The following MAU2 variants were observed in gnomAD, a reference collection of about 807,000 sequenced individuals.
MAU2 encodes MAU2 chromatid cohesion factor homolog.
A neutral mutation model predicts 89.1 loss-of-function variants in MAU2; 9 were observed. That is an observed-to-expected ratio of 0.10 (90% CI 0.06 to 0.18). MAU2 has a LOEUF of 0.18. MAU2 is among the 10% of genes least tolerant of loss of function. The pLI is 1.00. For synonymous variants in MAU2, 357 were observed against 343.4 expected (o/e 1.04, Z -0.44); for missense variants, 425 against 803.5 (o/e 0.53, Z 5.69).
Position 19,345,255 on chromosome 19 carries a change from AG to A in MAU2, c.1156-48del. 6.5e-7 allele frequency: 1 copy of A among 1,543,748 alleles called. No individual in the cohort carries two copies. The highest frequency in any genetic ancestry group is 1.4e-5 in the African/African-American group (1 of 73,676). On this transcript the variant is annotated intron_variant, in intron 11 of 18. Transcript: ENST00000262815. The surrounding 1 kb of genome is among the most constrained non-coding windows in gnomAD (Gnocchi z 4.9). ...GGGCACACCACGTGTCTCTGATCTGAGCCCCCTCCCCAGGGGCCGGCCCTGA... is the reference window on the plus strand; with the variant it reads ...GGGCACACCACGTGTCTCTGATCTGACCCCCTCCCCAGGGGCCGGCCCTGA...
chr19:19,336,550 A>G (rs149282340), intron 3 of MAU2, among the ~76,000 whole-genome samples: 64 of 152,302 alleles, frequency 4.2e-4, no homozygotes, highest in Non-Finnish European at 7.4e-4. Flanking sequence ...CCAAAATTAT[A>G]CACAGGAACC....
intron 4 of MAU2, 65 bp from the exon 5 acceptor site, chr19:19,338,780 C>A: frequency 1.6e-6 from 2 of 1,242,838 alleles, no homozygotes; most frequent in Non-Finnish European, 2.3e-6. Flanking sequence ...TAACAGAGCA[C>A]GAAGGCAGGT....
chr19:19,341,191 C>G (rs73922863), intron 6 of MAU2, 61 bp from the exon 7 acceptor site: 2 of 1,553,880 alleles, frequency 1.3e-6, no homozygotes, highest in African/African-American at 2.7e-5. Context: ...ACCCTGTGCT[C>G]CCGGTCCTGG....
chr19:19,329,871 G>T (rs1287086791), intron 1 of MAU2, among the ~76,000 whole-genome samples: 2 of 152,028 alleles, frequency 1.3e-5, no homozygotes, highest in Non-Finnish European at 2.9e-5. Flanking sequence ...TAGGAGGAGT[G>T]CTTGAGCCTG....
At chr19:19,322,559 C>A (rs1045765601) in intron 1 of MAU2, among the ~76,000 whole-genome samples, 1 of 152,084 alleles carries the variant, frequency 6.6e-6, no homozygotes, top group Non-Finnish European at 1.5e-5. Context: ...GTGATCACGC[C>A]ACTTCACTCC....
intron 16 of MAU2, among the ~76,000 whole-genome samples, chr19:19,350,702 C>T (rs1426374974): frequency 6.6e-6 from 1 of 151,790 alleles, no homozygotes; most frequent in Non-Finnish European, 1.5e-5. Flanking sequence ...AGATCGAGAC[C>T]ATCCTGGCTA....
intron 17 of MAU2, chr19:19,354,737 T>G: frequency 2.2e-6 from 1 of 460,662 alleles, no homozygotes; most frequent in Non-Finnish European, 4.0e-6. Flanking sequence ...GCCTTGCTTC[T>G]TCCCGGAAAG....
At chr19:19,330,617 G>A (rs144064270) in intron 1 of MAU2, among the ~76,000 whole-genome samples, 1,627 of 152,316 alleles carry the variant, frequency 0.011, 23 homozygotes, top group African/African-American at 0.031. Flanking sequence ...GCGCATGCCT[G>A]TAATCCCAGC....
intron 16 of MAU2, among the ~76,000 whole-genome samples, chr19:19,349,725 G>T (rs1322309165): frequency 6.6e-6 from 1 of 152,192 alleles, no homozygotes. Flanking sequence ...CAAAGGAGCT[G>T]CCCTGAGCTA....
At position 19,355,415 on chromosome 19, in the gene MAU2, C is replaced by T. The variant is rs748120581; in HGVS notation, c.1767+24C>T. 4.1e-5 allele frequency: 66 copies of T among 1,612,776 alleles called. 1 individual carries two copies. The highest frequency in any genetic ancestry group is 4.7e-5 in the Non-Finnish European group (55 of 1,179,788). On this transcript the variant is annotated intron_variant, in intron 18 of 18. Transcript: ENST00000262815. ...CGGTACGGGTGTGGGTGTTAGGGGA[C>T]GGGATCAGGACTAGCGGGCTCCCCA...
intron 16 of MAU2, among the ~76,000 whole-genome samples, chr19:19,352,080 C>G (rs945815077): frequency 7.9e-5 from 12 of 151,968 alleles, no homozygotes; most frequent in African/African-American, 2.9e-4. Context: ...AACTCCTGAC[C>G]TCAGGTGATC....
chr19:19,326,611 G>C (rs937021634), intron 1 of MAU2, among the ~76,000 whole-genome samples: 1 of 150,470 alleles, frequency 6.6e-6, no homozygotes, highest in Non-Finnish European at 1.5e-5. Context: ...GCGTGAACCC[G>C]GGCGGCGGAG....
intron 1 of MAU2, among the ~76,000 whole-genome samples, chr19:19,328,668 G>A (rs921863566): frequency 2.0e-5 from 3 of 152,130 alleles, no homozygotes; most frequent in Admixed American, 6.5e-5. Context: ...TAATCCGCCC[G>A]CCTCAGCCTC....
intron 1 of MAU2, among the ~76,000 whole-genome samples, chr19:19,322,243 C>G (rs1167388019): frequency 2.6e-5 from 4 of 152,150 alleles, no homozygotes; most frequent in African/African-American, 9.7e-5. Flanking sequence ...CATGATCTGC[C>G]CACCTCGGCC....
At chr19:19,336,012 C>A (rs145956644) in intron 2 of MAU2, 110 bp from the exon 3 acceptor site, 1 of 804,102 alleles carries the variant, frequency 1.2e-6, no homozygotes, top group Non-Finnish European at 2.1e-6. Context: ...TCAGGGCAGG[C>A]AGGGACGTGT....
At chr19:19,342,320 T>C (rs1026357392) in intron 7 of MAU2, among the ~76,000 whole-genome samples, 1 of 152,140 alleles carries the variant, frequency 6.6e-6, no homozygotes, top group Non-Finnish European at 1.5e-5. Flanking sequence ...TGGACAAGCC[T>C]CAGTCCCACA....
At chr19:19,336,293 T>C (rs2061596099) in intron 3 of MAU2, 106 bp downstream of exon 3, 1 of 790,844 alleles carries the variant, frequency 1.3e-6, no homozygotes, top group Non-Finnish European at 2.1e-6. Context: ...CCCTCCGGCT[T>C]TTTTTGTTTT....
intron 12 of MAU2, among the ~76,000 whole-genome samples, chr19:19,346,376 C>T (rs1390282485): frequency 6.6e-6 from 1 of 152,104 alleles, no homozygotes; most frequent in Non-Finnish European, 1.5e-5. Flanking sequence ...CGTCAAAGTT[C>T]CCAAGGCCAT....
chr19:19,341,474 G>A, intron 7 of MAU2, 67 bp downstream of exon 7: 3 of 1,585,986 alleles, frequency 1.9e-6, no homozygotes, highest in African/African-American at 2.7e-5. Flanking sequence ...CCAGGCCAAT[G>A]GGTCTTGGGC....
Sources: gnomAD v4.1 joint callset for allele counts (sites outside exome capture counted in the v4.1 genomes callset) on GRCh38, gnomAD v4.1.1 for gene constraint, Gnocchi (gnomAD v3.1) non-coding constraint, MANE v1.5 for transcripts, NCBI Gene and HGNC (gene_info 2026-07-23, HGNC 2026-07-21) for gene names.